The following ODAD2 variants were observed in gnomAD, a reference collection of about 807,000 sequenced individuals.
ODAD2 encodes outer dynein arm-docking complex subunit 2.
In ODAD2, 89 loss-of-function variants were observed where a neutral mutation model predicts 106.8. That is an observed-to-expected ratio of 0.83 (90% CI 0.70 to 0.99). The LOEUF is 0.99. Among genes scored for constraint, ODAD2 ranks in the 50% least tolerant of loss-of-function variants. The pLI, the probability that ODAD2 is intolerant of heterozygous loss-of-function variation, is 0.00. For missense variants in ODAD2, 1,168 were observed against 1,238.5 expected, an observed-to-expected ratio of 0.94 and a Z score of 0.85; for synonymous variants, 404 against 436.2, an observed-to-expected ratio of 0.93 and a Z score of 0.92.
chr10:27,815,346 C>T (rs1836047318), intron 19 of ODAD2, among the ~76,000 whole-genome samples: 1 of 152,152 alleles, frequency 6.6e-6, no homozygotes, highest in Non-Finnish European at 1.5e-5. Context: ...AACAAAAAGA[C>T]ACCACTTTGA....
At chr10:27,926,124 GC>G (rs1261556411) in intron 16 of ODAD2, among the ~76,000 whole-genome samples, 1 of 151,802 alleles carries the variant, frequency 6.6e-6, no homozygotes, top group Non-Finnish European at 1.5e-5. Context: ...TCCATTCTCT[GC>G]CACAGCTGCT....
At chr10:27,980,142 T>C (rs1849455646) in intron 7 of ODAD2, among the ~76,000 whole-genome samples, 1 of 151,978 alleles carries the variant, frequency 6.6e-6, no homozygotes, top group Non-Finnish European at 1.5e-5. Flanking sequence ...AAGAATGAAA[T>C]TGGAGCCTAA....
At chr10:27,833,125 T>C (rs193185051) in intron 19 of ODAD2, among the ~76,000 whole-genome samples, 126 of 152,318 alleles carry the variant, frequency 8.3e-4, no homozygotes, top group Middle Eastern at 6.8e-3. Flanking sequence ...CAATTTACTC[T>C]GAACCCCAGC....
intron 17 of ODAD2, among the ~76,000 whole-genome samples, chr10:27,884,394 A>T (rs1415371534): frequency 1.3e-5 from 2 of 152,180 alleles, no homozygotes; most frequent in Non-Finnish European, 2.9e-5. Context: ...CACACTTGAA[A>T]CATAAAATTT....
intron 17 of ODAD2, among the ~76,000 whole-genome samples, chr10:27,864,274 G>A (rs919101542): frequency 6.6e-6 from 1 of 150,894 alleles, no homozygotes; most frequent in African/African-American, 2.4e-5. Flanking sequence ...TGTTGGAAGA[G>A]CTGGGTTTGG....
At chr10:27,941,002 G>C (rs979348097) in intron 12 of ODAD2, among the ~76,000 whole-genome samples, 197 bp from the exon 13 acceptor site, 1 of 152,002 alleles carries the variant, frequency 6.6e-6, no homozygotes, top group East Asian at 1.9e-4. Flanking sequence ...CTCCAGATTT[G>C]GGAGCTTATA....
At chr10:27,973,656 T>C (rs1198309725) in intron 7 of ODAD2, among the ~76,000 whole-genome samples, 3 of 152,186 alleles carry the variant, frequency 2.0e-5, no homozygotes, top group Non-Finnish European at 4.4e-5. Flanking sequence ...ATGGCATATA[T>C]GTACCACATT....
intron 16 of ODAD2, among the ~76,000 whole-genome samples, chr10:27,924,296 CAG>C (rs1332098235): frequency 2.0e-5 from 3 of 151,376 alleles, no homozygotes; most frequent in East Asian, 3.9e-4. Flanking sequence ...ACTGGGCTAA[CAG>C]GGGAATACAA....
chr10:27,942,678 A>T (rs1270110030), intron 12 of ODAD2, among the ~76,000 whole-genome samples: 1 of 152,196 alleles, frequency 6.6e-6, no homozygotes, highest in East Asian at 1.9e-4. Flanking sequence ...TCATAGTAAT[A>T]ATTAAATTTT....
At chr10:27,812,941 A>G (rs547801110) in intron 19 of ODAD2, among the ~76,000 whole-genome samples, 2 of 152,228 alleles carry the variant, frequency 1.3e-5, no homozygotes, top group East Asian at 3.9e-4. Context: ...CTCTCAGAAC[A>G]AGCCAACAGC....
At chr10:27,981,218 G>A (rs1417277665) in intron 7 of ODAD2, among the ~76,000 whole-genome samples, 1 of 152,050 alleles carries the variant, frequency 6.6e-6, no homozygotes, top group Non-Finnish European at 1.5e-5. Context: ...AAGTTCGAGA[G>A]ACGAAAAAGA....
At chr10:27,830,961 C>T (rs1175261075) in intron 19 of ODAD2, among the ~76,000 whole-genome samples, 3 of 152,132 alleles carry the variant, frequency 2.0e-5, no homozygotes, top group Non-Finnish European at 4.4e-5. Flanking sequence ...TGGACAGGTC[C>T]TTTTTCCTTT....
chr10:27,993,670 T>A (rs1358587903), intron 2 of ODAD2, among the ~76,000 whole-genome samples: 4 of 151,854 alleles, frequency 2.6e-5, no homozygotes, highest in African/African-American at 4.8e-5. Context: ...AATAAATAAA[T>A]AAATATGACT....
intron 19 of ODAD2, among the ~76,000 whole-genome samples, chr10:27,845,989 C>A (rs1838718606): frequency 6.6e-6 from 1 of 152,104 alleles, no homozygotes. Context: ...CTTTAACACC[C>A]CACTGTCAAC....
chr10:27,965,124 G>A (rs1848406444), intron 9 of ODAD2, among the ~76,000 whole-genome samples: 1 of 152,138 alleles, frequency 6.6e-6, no homozygotes, highest in Admixed American at 6.5e-5. Context: ...ATGGGACATA[G>A]GATGAAAGTG....
chr10:27,959,106 GT>G, intron 10 of ODAD2: 1 of 872,684 alleles, frequency 1.1e-6, no homozygotes, highest in Non-Finnish European at 1.5e-6. Flanking sequence ...GGAGGCCAAT[GT>G]AGGAAGACTG....
chr10:27,996,017 A>G (rs1850539283), intron 1 of ODAD2, among the ~76,000 whole-genome samples: 1 of 152,232 alleles, frequency 6.6e-6, no homozygotes, highest in Admixed American at 6.5e-5. Flanking sequence ...CAAATTTCAC[A>G]TTGGCTAAAT....
intron 16 of ODAD2, among the ~76,000 whole-genome samples, chr10:27,909,487 T>G (rs1259266710): frequency 2.6e-5 from 4 of 152,174 alleles, no homozygotes; most frequent in Non-Finnish European, 5.9e-5. Flanking sequence ...TTAGCTATAA[T>G]GAGTGAGGAT....
At chr10:27,849,482 A>T (rs1203482688) in intron 19 of ODAD2, among the ~76,000 whole-genome samples, 1 of 152,150 alleles carries the variant, frequency 6.6e-6, no homozygotes, top group Non-Finnish European at 1.5e-5. Flanking sequence ...GCACACCAGC[A>T]TGGCACATGT....
Sources: gnomAD v4.1 joint callset for allele counts (sites outside exome capture counted in the v4.1 genomes callset) on GRCh38, gnomAD v4.1.1 for gene constraint, MANE v1.5 for transcripts, NCBI Gene and HGNC (gene_info 2026-07-23, HGNC 2026-07-21) for gene names.